The following FRAS1 variants were observed in gnomAD, a reference collection of about 807,000 sequenced individuals.
FRAS1 encodes the protein extracellular matrix organizing protein FRAS1.
FRAS1 carries 290 observed loss-of-function variants against 435.2 expected under a neutral mutation model. The ratio of observed to expected loss-of-function variants is 0.67; its 90% confidence interval spans 0.61 to 0.73. The LOEUF (loss-of-function observed/expected upper bound fraction) is 0.73, where lower values mean the gene tolerates loss of function less well. FRAS1 is among the 30% of genes least tolerant of loss of function. The pLI, the probability that FRAS1 is intolerant of heterozygous loss-of-function variation, is 0.00. For synonymous variants in FRAS1, 1,800 were observed against 1,851.0 expected (o/e 0.97, Z 0.71); for missense variants, 4,860 against 5,001.5 (o/e 0.97, Z 0.85).
chr4:78,430,235 T>C (rs1373437634), intron 36 of FRAS1, 57 bp from the exon 37 acceptor site: 4 of 1,608,844 alleles, frequency 2.5e-6, no homozygotes, highest in Non-Finnish European at 1.7e-6. Context: ...TAATATATAG[T>C]CTATCGTCTT....
At chr4:78,118,052 A>G (rs1718758087) in intron 2 of FRAS1, among the ~76,000 whole-genome samples, 3 of 152,248 alleles carry the variant, frequency 2.0e-5, no homozygotes, top group South Asian at 4.1e-4. Context: ...TCTAACAGTC[A>G]GGACCCTCAG....
chr4:78,509,800 A>C (rs1257292766), intron 63 of FRAS1, among the ~76,000 whole-genome samples: 1 of 152,244 alleles, frequency 6.6e-6, no homozygotes, highest in Non-Finnish European at 1.5e-5. Context: ...CAGGCTTAGT[A>C]TATAGTACCT....
At position 78,541,316 on chromosome 4, in the gene FRAS1, T is replaced by C. The variant is rs1722044139; in HGVS notation, c.*192T>C. On this transcript the variant is annotated 3_prime_UTR_variant, in exon 74 of 74. Coordinates refer to ENST00000512123, the MANE Select transcript of FRAS1 (RefSeq NM_025074.7). ...AGAACCACTGAGAACCCCAGAGTAT[T>C]ACAGTTATTTCCGTAGATCCCTTTA... 9.9e-6 allele frequency: 4 copies of C among 406,066 alleles called. No individual in the cohort carries two copies. The highest frequency in any genetic ancestry group is 2.3e-4 in the South Asian group (2 of 8,578). The allele number at this position is 406,066 out of a possible 1,614,324, so 25.2% of individuals were successfully genotyped here.
In FRAS1 at chr4:78,508,787, GA is replaced by G. The variant is rs1720930639; in HGVS notation, c.9564del (p.Lys3188AsnfsTer25). 5 of 1,613,624 alleles carry G rather than the reference GA, an allele frequency of 3.1e-6. No homozygotes were observed. Among genetic ancestry groups the G allele is most frequent in the Non-Finnish European group, 4.2e-6 (5 of 1,179,814 alleles). ...VEEVTKEGVK[K>X]SPSPGYPLVC... ...AAGAAGTTACCAAGGAAGGAGTCAAGAAATCCCCCTCCCCAGGCTACCCACT... is the reference window on the plus strand; with the variant it reads ...AAGAAGTTACCAAGGAAGGAGTCAAGAATCCCCCTCCCCAGGCTACCCACT... On this transcript the variant is annotated frameshift_variant, in exon 63 of 74. Transcript: ENST00000512123. LOFTEE classifies it high-confidence loss of function.
At chr4:78,482,055 C>T (rs1720027458) in intron 57 of FRAS1, 91 bp downstream of exon 57, 1 of 1,274,136 alleles carries the variant, frequency 7.8e-7, no homozygotes, top group Non-Finnish European at 1.1e-6. Flanking sequence ...CTAAACTCCC[C>T]TGGCGATATT....
chr4:78,263,663 T>C (rs1404672887), intron 6 of FRAS1, among the ~76,000 whole-genome samples: 2 of 152,242 alleles, frequency 1.3e-5, no homozygotes, highest in African/African-American at 4.8e-5. Context: ...GCTGAAGAGA[T>C]CTGTCTGTAG....
intron 19 of FRAS1, 24 bp downstream of exon 19, chr4:78,333,436 A>G: frequency 6.2e-7 from 1 of 1,603,832 alleles, no homozygotes; most frequent in Non-Finnish European, 8.5e-7. Context: ...GTGCTGAGGC[A>G]CATTGCCTAT....
At chr4:78,337,601 G>A (rs1008671079) in intron 19 of FRAS1, 73 bp from the exon 20 acceptor site, 6 of 1,459,986 alleles carry the variant, frequency 4.1e-6, no homozygotes, top group Admixed American at 1.9e-5. Context: ...GTAATTTGTG[G>A]AATGCATTAA....
intron 29 of FRAS1, among the ~76,000 whole-genome samples, chr4:78,393,031 A>C (rs1215614266): frequency 6.7e-6 from 1 of 150,034 alleles, no homozygotes; most frequent in Non-Finnish European, 1.5e-5. Context: ...TTTAAAAAAA[A>C]CCCTACTTTA....
intron 2 of FRAS1, among the ~76,000 whole-genome samples, chr4:78,105,729 A>C (rs1034545969): frequency 2.0e-5 from 3 of 152,100 alleles, no homozygotes; most frequent in Admixed American, 6.5e-5. Flanking sequence ...TGTGAAATGT[A>C]AGATGAGAGG....
At chr4:78,513,807 A>G (rs1367883403) in intron 65 of FRAS1, among the ~76,000 whole-genome samples, 1 of 152,220 alleles carries the variant, frequency 6.6e-6, no homozygotes, top group Non-Finnish European at 1.5e-5. Context: ...TTTCTGAGCC[A>G]CTGTTGTCTA....
intron 60 of FRAS1, 72 bp from the exon 61 acceptor site, chr4:78,499,649 G>A: frequency 7.4e-7 from 1 of 1,351,422 alleles, no homozygotes; most frequent in Non-Finnish European, 1.0e-6. Flanking sequence ...TCATTATAAG[G>A]TGTTTTCCTG....
intron 29 of FRAS1, among the ~76,000 whole-genome samples, chr4:78,388,744 G>A (rs1024927873): frequency 4.6e-5 from 7 of 151,660 alleles, no homozygotes; most frequent in Admixed American, 1.3e-4. Context: ...GAAGTTCCAG[G>A]TTGCAGTGAG....
At position 78,464,375 on chromosome 4, in the gene FRAS1, A is replaced by C. The variant is rs1055585407; in HGVS notation, c.6889-68A>C. ...TGTGTGAAAGAGAAAAGTAGAGAGC[A>C]CCTACCTTGGACTTGTTGGGTAGGT... On this transcript the variant is annotated intron_variant, in intron 48 of 73. Coordinates refer to ENST00000512123, the MANE Select transcript of FRAS1 (RefSeq NM_025074.7). The C allele has an allele frequency of 1.6e-5, 25 of 1,587,626 alleles. No individual in the cohort carries two copies. The East Asian group carries it at 5.6e-4, about 35-fold the overall frequency.
At chr4:78,455,421 G>GGC (rs201928813) in intron 47 of FRAS1, among the ~76,000 whole-genome samples, 8 of 63,708 alleles carry the variant, frequency 1.3e-4, no homozygotes, top group African/African-American at 2.4e-4. Flanking sequence ...GAGTTGAGGA[G>GGC]GGAGGGGGTT....
At chr4:78,217,388 A>G (rs1474055895) in intron 2 of FRAS1, among the ~76,000 whole-genome samples, 1 of 152,108 alleles carries the variant, frequency 6.6e-6, no homozygotes, top group Non-Finnish European at 1.5e-5. Flanking sequence ...TGAGAATGGT[A>G]TGATCTGGTT....
At position 78,466,245 on chromosome 4, in the gene FRAS1, G is replaced by T. The variant is rs377717035; in HGVS notation, c.7067G>T (p.Arg2356Leu). ...SVTFTIVQPP[R>L]HGTIERTSNG... ...ACATTCACCATCGTGCAGCCTCCAC[G>T]CCATGGCACCATCGAGCGAACCAGC... The change falls in exon 50 of 74, where the codon CGC becomes CTC. Residue 2356 changes from arginine (R) to leucine (L), a missense_variant. By Grantham distance (102) the Arg-to-Leu change is moderately radical. Transcript: ENST00000512123. 5 of 1,613,860 alleles carry T rather than the reference G, an allele frequency of 3.1e-6. No individual in the cohort carries two copies. The Admixed American group carries it at 6.7e-5, about 22-fold the overall frequency.
In FRAS1 at chr4:78,302,798, T is replaced by G. The variant is rs890620770; in HGVS notation, c.1535-5268T>G. On this transcript the variant is annotated intron_variant, in intron 14 of 73. Transcript: ENST00000512123. The stretch of plus-strand genomic sequence containing the variant: ...GTAGGCTGCGAAAATCTTCTCCCAT[T>G]TTGTAGGTTGCCTGTTCACTCTGAT... 2.4e-4 allele frequency among the ~76,000 whole-genome samples: 36 copies of G among 152,302 alleles called. 1 individual carries two copies. In the South Asian group the frequency reaches 4.1e-3, roughly 18 times the overall value.
intron 2 of FRAS1, among the ~76,000 whole-genome samples, chr4:78,112,792 A>AT (rs1472610658): frequency 7.0e-6 from 1 of 142,122 alleles, no homozygotes; most frequent in African/African-American, 2.7e-5. Context: ...CGGGCATTTT[A>AT]TTTTTTTAAA....
Sources: gnomAD v4.1 joint callset for allele counts (sites outside exome capture counted in the v4.1 genomes callset) on GRCh38, gnomAD v4.1.1 for gene constraint, MANE v1.5 for transcripts, NCBI Gene and HGNC (gene_info 2026-07-23, HGNC 2026-07-21) for gene names.